Variants in SLC36A1 observed in about 807,000 individuals in gnomAD.
SLC36A1 encodes solute carrier family 36 member 1.
In SLC36A1, 30 loss-of-function variants were observed where a neutral mutation model predicts 47.5. That is an observed-to-expected ratio of 0.63 (90% CI 0.47 to 0.86). The LOEUF (loss-of-function observed/expected upper bound fraction) is 0.86. SLC36A1 is among the 40% of genes least tolerant of loss of function. The pLI, the probability that SLC36A1 is intolerant of heterozygous loss-of-function variation, is 0.00. For missense variants in SLC36A1, 517 were observed against 606.0 expected (o/e 0.85, Z 1.54); for synonymous variants, 255 against 249.7 (o/e 1.02, Z -0.20).
At chr5:151,432,473 CA>C (rs1350419252), upstream of SLC36A1, among the ~76,000 whole-genome samples, 2 of 152,168 alleles carry the variant, frequency 1.3e-5, no homozygotes, top group Non-Finnish European at 2.9e-5. Context: ...CCCTCATATT[CA>C]CATCACAGGG....
At chr5:151,373,901 G>A in the SLC36A1 span, among the ~76,000 whole-genome samples, 1 of 152,116 alleles carries the variant, frequency 6.6e-6, no homozygotes, top group African/African-American at 2.4e-5. Flanking sequence ...TGCTCAGCCT[G>A]TTCTTCTTTA....
chr5:151,415,179 A>G, the SLC36A1 span, among the ~76,000 whole-genome samples: 25,506 of 152,024 alleles, frequency 0.17, 2,378 homozygotes, highest in East Asian at 0.38. Flanking sequence ...CAAAAAATCA[A>G]CTTCCACTCT....
chr5:151,399,500 C>A, the SLC36A1 span, among the ~76,000 whole-genome samples: 8 of 152,048 alleles, frequency 5.3e-5, no homozygotes, highest in Non-Finnish European at 1.2e-4. Flanking sequence ...TGATTTAATT[C>A]GAAAGGTTCA....
intron 5 of SLC36A1, among the ~76,000 whole-genome samples, chr5:151,466,827 G>A (rs1211299101): frequency 6.6e-6 from 1 of 152,132 alleles, no homozygotes; most frequent in East Asian, 1.9e-4. Context: ...CAGACGAGAA[G>A]CCAGGAAGGG....
intron 10 of SLC36A1, among the ~76,000 whole-genome samples, chr5:151,485,641 T>G (rs1422917298): frequency 1.3e-5 from 2 of 152,218 alleles, no homozygotes; most frequent in Non-Finnish European, 2.9e-5. Context: ...GCTCTGTTGC[T>G]TCCTGTCGTT....
chr5:151,502,719 C>T, the SLC36A1 span, among the ~76,000 whole-genome samples: 10 of 148,340 alleles, frequency 6.7e-5, 1 homozygote. Context: ...TGGAATGGTT[C>T]AGCCACTCTG....
chr5:151,550,596 T>C, the SLC36A1 span: 22 of 1,614,000 alleles, frequency 1.4e-5, no homozygotes, highest in Non-Finnish European at 1.9e-5. Context: ...TCACCATGAC[T>C]GTCAGTGTGT....
the SLC36A1 span, among the ~76,000 whole-genome samples, chr5:151,364,981 G>A: frequency 1.5e-4 from 23 of 152,112 alleles, no homozygotes; most frequent in Non-Finnish European, 2.8e-4. Flanking sequence ...ATGAACCCTT[G>A]ATTATATGGC....
chr5:151,485,087 A>G (rs1486781618), intron 10 of SLC36A1, among the ~76,000 whole-genome samples: 1 of 151,986 alleles, frequency 6.6e-6, no homozygotes, highest in Non-Finnish European at 1.5e-5. Context: ...TCAGCCTACA[A>G]TTTTACCTCC....
At chr5:151,472,212 G>C (rs1757407377) in intron 7 of SLC36A1, among the ~76,000 whole-genome samples, 1 of 152,256 alleles carries the variant, frequency 6.6e-6, no homozygotes, top group African/African-American at 2.4e-5. Flanking sequence ...AAGTCCCAAA[G>C]CTGAAGAACT....
the SLC36A1 span, among the ~76,000 whole-genome samples, chr5:151,396,572 A>G: frequency 6.6e-6 from 1 of 152,200 alleles, no homozygotes; most frequent in Non-Finnish European, 1.5e-5. Context: ...GGTCACACAC[A>G]AGAAAAAAGA....
the SLC36A1 span, among the ~76,000 whole-genome samples, chr5:151,349,794 G>A: frequency 1.1e-4 from 16 of 152,272 alleles, no homozygotes; most frequent in African/African-American, 3.4e-4. Flanking sequence ...TTAAAACGTG[G>A]TGTGTATCAA....
the SLC36A1 span, chr5:151,521,266 T>C: frequency 1.3e-6 from 2 of 1,595,466 alleles, no homozygotes; most frequent in Non-Finnish European, 1.7e-6. Context: ...AGGGAAGATG[T>C]AGTACTTACC....
At chr5:151,410,663 C>T in the SLC36A1 span, among the ~76,000 whole-genome samples, 1 of 143,516 alleles carries the variant, frequency 7.0e-6, no homozygotes, top group Non-Finnish European at 1.5e-5. Context: ...TAACTTTCGC[C>T]TTTTATTTTT....
chr5:151,419,793 T>G, the SLC36A1 span: 1 of 152,178 alleles, frequency 6.6e-6, no homozygotes. Flanking sequence ...TATAACTGTA[T>G]TTCCAGAGGG....
At chr5:151,495,227 A>G (rs185677801), downstream of SLC36A1, among the ~76,000 whole-genome samples, 592 of 152,340 alleles carry the variant, frequency 3.9e-3, 6 homozygotes, top group African/African-American at 0.013. Context: ...CATTTCCCCA[A>G]TGGCTAGTGA....
At chr5:151,458,707 C>T in intron 1 of SLC36A1, 81 bp from the exon 2 acceptor site, 1 of 1,473,554 alleles carries the variant, frequency 6.8e-7, no homozygotes, top group Non-Finnish European at 9.2e-7. Context: ...ACAATGACAG[C>T]TTCTACCCCA....
the SLC36A1 span, among the ~76,000 whole-genome samples, chr5:151,524,137 G>A: frequency 1.3e-5 from 2 of 152,114 alleles, no homozygotes; most frequent in East Asian, 3.9e-4. Context: ...AGCTTCCTGA[G>A]ACACAAAGAG....
chr5:151,487,392 C>G lies in SLC36A1; in HGVS notation c.1160-591C>G, dbSNP rs575127987. On this transcript the variant is annotated intron_variant, in intron 10 of 10. Coordinates refer to ENST00000243389, the MANE Select transcript of SLC36A1 (RefSeq NM_078483.4). Reference sequence around the variant, plus strand: ...TCAGATGTGAGAGCCAGTGGGTGTCCTGTCACAGAGATACGGTCGTCGTGT... The same window carrying G: ...TCAGATGTGAGAGCCAGTGGGTGTCGTGTCACAGAGATACGGTCGTCGTGT... 4.0e-5 allele frequency among the ~76,000 whole-genome samples: 6 copies of G among 151,580 alleles called. No individual in the cohort carries two copies. In the South Asian group the frequency reaches 1.2e-3, roughly 31 times the overall value.
Sources: allele counts gnomAD v4.1 joint callset (sites outside exome capture counted in the v4.1 genomes callset), GRCh38; gene constraint gnomAD v4.1.1; transcripts MANE v1.5; gene names NCBI Gene and HGNC (gene_info 2026-07-23, HGNC 2026-07-21).